Variants in FRMD4B observed in about 807,000 individuals in gnomAD.
The protein encoded by FRMD4B is FERM domain containing 4B.
In FRMD4B, 74 loss-of-function variants were observed where a neutral mutation model predicts 141.5. The observed-to-expected ratio is 0.52, with a 90% confidence interval of 0.43 to 0.63. The LOEUF is 0.63. Among genes scored for constraint, FRMD4B ranks in the 30% least tolerant of loss-of-function variants. FRMD4B has a pLI of 0.00. For missense variants in FRMD4B, 1,366 were observed against 1,253.4 expected (o/e 1.09, Z -1.36); for synonymous variants, 506 against 467.9 (o/e 1.08, Z -1.05).
intron 1 of FRMD4B, among the ~76,000 whole-genome samples, chr3:69,511,976 A>G (rs907318345): frequency 1.3e-5 from 2 of 152,228 alleles, no homozygotes; most frequent in Non-Finnish European, 2.9e-5. Context: ...GATGAGTACA[A>G]GTAGAAAGCA....
At chr3:69,521,426 A>G (rs944979133) in intron 1 of FRMD4B, among the ~76,000 whole-genome samples, 18 of 152,196 alleles carry the variant, frequency 1.2e-4, no homozygotes, top group African/African-American at 3.6e-4. Context: ...TCAAGCCACC[A>G]TCATCACCTG....
intron 1 of FRMD4B, among the ~76,000 whole-genome samples, chr3:69,460,981 T>A (rs1331427871): frequency 2.6e-5 from 4 of 152,214 alleles, no homozygotes; most frequent in African/African-American, 4.8e-5. Flanking sequence ...AGACAATAAT[T>A]CTCATATTCT....
intron 18 of FRMD4B, among the ~76,000 whole-genome samples, chr3:69,188,763 CAAA>C (rs11328404): frequency 7.5e-5 from 5 of 66,828 alleles, no homozygotes; most frequent in South Asian, 5.4e-4. Flanking sequence ...GACTCCGTCT[CAAA>C]AAAAAAAAAA....
chr3:69,307,611 T>A (rs568732431), intron 3 of FRMD4B, among the ~76,000 whole-genome samples: 48 of 152,278 alleles, frequency 3.2e-4, no homozygotes, highest in African/African-American at 1.1e-3. Flanking sequence ...AGTGTTGAGA[T>A]TACAGGCGTG....
At chr3:69,452,114 C>T (rs1705511005) in intron 1 of FRMD4B, among the ~76,000 whole-genome samples, 3 of 152,388 alleles carry the variant, frequency 2.0e-5, no homozygotes, top group South Asian at 4.1e-4. Flanking sequence ...GAAGCATCAT[C>T]ATTTATTCCT....
chr3:69,191,556 T>TA, intron 17 of FRMD4B, among the ~76,000 whole-genome samples: 1 of 8,010 alleles, frequency 1.2e-4, no homozygotes, highest in Middle Eastern at 0.25. Flanking sequence ...GCAAATATAA[T>TA]CCTCAATGTA....
chr3:69,197,510 A>G (rs1236265479), intron 12 of FRMD4B, among the ~76,000 whole-genome samples: 1 of 147,862 alleles, frequency 6.8e-6, no homozygotes. Flanking sequence ...GGCTGAAAAT[A>G]TGCAAGTCCA....
chr3:69,517,325 G>A (rs1033262715), intron 1 of FRMD4B, among the ~76,000 whole-genome samples: 18 of 151,586 alleles, frequency 1.2e-4, no homozygotes, highest in Admixed American at 4.6e-4. Flanking sequence ...GTGATGGCTC[G>A]CCCAAATACC....
At chr3:69,304,137 C>T (rs1701310135) in intron 3 of FRMD4B, among the ~76,000 whole-genome samples, 1 of 139,986 alleles carries the variant, frequency 7.1e-6, no homozygotes, top group Admixed American at 7.7e-5. Context: ...GATTGTGCTA[C>T]TGCACCCTAG....
intron 22 of FRMD4B, among the ~76,000 whole-genome samples, chr3:69,175,328 C>T (rs967088899): frequency 2.0e-5 from 3 of 152,170 alleles, no homozygotes; most frequent in Admixed American, 6.5e-5. Flanking sequence ...AAGGGAGACA[C>T]GACCTCTTCA....
chr3:69,356,586 TAC>T (rs1159041462), intron 1 of FRMD4B, among the ~76,000 whole-genome samples: 2 of 149,836 alleles, frequency 1.3e-5, no homozygotes, highest in African/African-American at 2.4e-5. Flanking sequence ...GATATATATA[TAC>T]ACACACACAT....
chr3:69,438,560 G>C (rs980621635), intron 1 of FRMD4B, among the ~76,000 whole-genome samples: 8 of 152,170 alleles, frequency 5.3e-5, no homozygotes, highest in African/African-American at 1.4e-4. Context: ...CAAATTCCTG[G>C]CTTGCTTAGG....
chr3:69,536,364 C>T, intron 1 of FRMD4B: 2 of 690,472 alleles, frequency 2.9e-6, no homozygotes, highest in South Asian at 1.6e-5. Flanking sequence ...AGTTGAGGGG[C>T]CTGGCGAGGA....
intron 1 of FRMD4B, among the ~76,000 whole-genome samples, chr3:69,529,082 G>A (rs1156850293): frequency 1.3e-5 from 2 of 152,132 alleles, no homozygotes; most frequent in Admixed American, 1.3e-4. Context: ...CACGACCATG[G>A]CCAGGGCAAA....
In FRMD4B at chr3:69,508,458, T is replaced by G. The variant is rs186735107; in HGVS notation, c.-129+33748A>C. Among the ~76,000 whole-genome samples, 866 of 152,332 alleles carry G rather than the reference T, an allele frequency of 5.7e-3. 3 individuals are homozygous for G. Among genetic ancestry groups the G allele is most frequent in the Admixed American group, 0.016 (245 of 15,296 alleles). On this transcript the variant is annotated intron_variant, in intron 1 of 5. Transcript: ENST00000459638. ...GGGACAAATTACATGGCTTCCAACG[T>G]GGTTGCTCCAGCTATTATTTCTTTA...
intron 1 of FRMD4B, among the ~76,000 whole-genome samples, chr3:69,514,359 T>C (rs1193460197): frequency 6.8e-6 from 1 of 146,568 alleles, no homozygotes; most frequent in Non-Finnish European, 1.5e-5. Context: ...GGTGAAAGAG[T>C]TGTACACTGA....
At chr3:69,240,328 A>C (rs1212698390) in intron 7 of FRMD4B, among the ~76,000 whole-genome samples, 1 of 151,432 alleles carries the variant, frequency 6.6e-6, no homozygotes, top group East Asian at 2.0e-4. Context: ...AAAAATACAA[A>C]AAATTAGTCG....
At chr3:69,371,327 G>A (rs2107490895) in intron 1 of FRMD4B, among the ~76,000 whole-genome samples, 1 of 152,322 alleles carries the variant, frequency 6.6e-6, no homozygotes, top group South Asian at 2.1e-4. Context: ...GTTAAGACCA[G>A]AGTTTGGGTG....
At chr3:69,209,557 T>C (rs1199942871) in intron 11 of FRMD4B, among the ~76,000 whole-genome samples, 1 of 152,100 alleles carries the variant, frequency 6.6e-6, no homozygotes, top group Non-Finnish European at 1.5e-5. Flanking sequence ...GCCCAGAAAG[T>C]TGAGTGACAG....
Sources: allele counts gnomAD v4.1 joint callset (sites outside exome capture counted in the v4.1 genomes callset), GRCh38; gene constraint gnomAD v4.1.1; transcripts MANE v1.5; gene names NCBI Gene and HGNC (gene_info 2026-07-23, HGNC 2026-07-21).